DCLK2: variants seen among roughly 807,000 people sequenced by gnomAD.
DCLK2 encodes the protein doublecortin like kinase 2.
In DCLK2, 31 loss-of-function variants were observed where a neutral mutation model predicts 78.4. The ratio of observed to expected loss-of-function variants is 0.40; its 90% CI spans 0.30 to 0.53. The LOEUF is 0.53. Among genes scored for constraint, DCLK2 ranks in the 20% least tolerant of loss-of-function variants. The pLI is 0.61. For missense variants in DCLK2, 872 were observed against 973.7 expected (o/e 0.90, Z 1.39); for synonymous variants, 407 against 374.9 (o/e 1.09, Z -0.99).
intron 15 of DCLK2, among the ~76,000 whole-genome samples, chr4:150,249,894 T>G (rs1299050058): frequency 6.6e-6 from 1 of 152,104 alleles, no homozygotes; most frequent in Non-Finnish European, 1.5e-5. Flanking sequence ...CCAGCAGGCC[T>G]GGTGTGAGGG....
intron 2 of DCLK2, among the ~76,000 whole-genome samples, chr4:150,139,456 T>TC (rs1402999131): frequency 6.6e-6 from 1 of 152,170 alleles, no homozygotes; most frequent in Non-Finnish European, 1.5e-5. Flanking sequence ...TAGCCTGGAT[T>TC]CAGATGACTG....
chr4:150,198,051 T>C lies in DCLK2; in HGVS notation c.909T>C (p.Tyr303=), dbSNP rs141397425. The change falls in exon 4 of 16, where the codon TAT becomes TAC. Residue 303 remains tyrosine (Y), a synonymous_variant. Transcript: ENST00000296550. The part of the protein sequence containing the change: ...SSYSRSSAVK[Y]SGSKSPGPSR... ...ATTCTCGATCCTCAGCTGTTAAGTA[T>C]TCTGGATCCAAAAGCCCTGGGCCCT... 338 of 1,613,884 alleles carry C rather than the reference T, an allele frequency of 2.1e-4. No homozygotes were observed. The highest frequency in any genetic ancestry group is 2.5e-4 in the Non-Finnish European group (300 of 1,179,986).
intron 10 of DCLK2, among the ~76,000 whole-genome samples, chr4:150,237,989 C>T (rs1011571875): frequency 6.6e-6 from 1 of 152,150 alleles, no homozygotes; most frequent in Admixed American, 6.5e-5. Context: ...ATTATGCTGT[C>T]ATACGCACTT....
At chr4:150,119,611 C>T (rs575051394) in intron 2 of DCLK2, among the ~76,000 whole-genome samples, 9 of 152,122 alleles carry the variant, frequency 5.9e-5, no homozygotes, top group Non-Finnish European at 8.8e-5. Flanking sequence ...GCCTGCATTC[C>T]TCTTACCACC....
chr4:150,094,728 A>G (rs1214501195), intron 1 of DCLK2, among the ~76,000 whole-genome samples: 2 of 152,212 alleles, frequency 1.3e-5, no homozygotes, highest in Non-Finnish European at 2.9e-5. Flanking sequence ...CATTTTCTTC[A>G]TTACTTTGAC....
At chr4:150,172,744 G>T (rs1454972460) in intron 2 of DCLK2, among the ~76,000 whole-genome samples, 1 of 122,150 alleles carries the variant, frequency 8.2e-6, no homozygotes, top group Non-Finnish European at 1.7e-5. Flanking sequence ...ACTCTAGAGA[G>T]TGTTCTTTTT....
chr4:150,117,539 G>C (rs1454315699), intron 2 of DCLK2, among the ~76,000 whole-genome samples: 1 of 152,180 alleles, frequency 6.6e-6, no homozygotes, highest in Non-Finnish European at 1.5e-5. Flanking sequence ...GCAGATCTCA[G>C]TTAGGAGCTT....
At chr4:150,122,533 T>C (rs1054182023) in intron 2 of DCLK2, among the ~76,000 whole-genome samples, 1 of 151,898 alleles carries the variant, frequency 6.6e-6, no homozygotes, top group Non-Finnish European at 1.5e-5. Flanking sequence ...TGTTCTCCCT[T>C]GTAAGTGGGA....
chr4:150,240,514 T>G, intron 12 of DCLK2, 38 bp downstream of exon 12: 5 of 1,592,324 alleles, frequency 3.1e-6, no homozygotes, highest in Non-Finnish European at 4.3e-6. Context: ...GAATTGCAAA[T>G]GTTCTCCCTT....
chr4:150,089,202 G>T (rs1729875619), intron 1 of DCLK2, among the ~76,000 whole-genome samples: 1 of 151,992 alleles, frequency 6.6e-6, no homozygotes, highest in African/African-American at 2.4e-5. Context: ...TAAACATCTG[G>T]TTTCTGAATT....
chr4:150,108,408 G>A (rs1560778390), intron 2 of DCLK2, among the ~76,000 whole-genome samples: 1 of 151,742 alleles, frequency 6.6e-6, no homozygotes. Flanking sequence ...GCTGGGCGTG[G>A]TGGTGGGCGC....
intron 2 of DCLK2, among the ~76,000 whole-genome samples, chr4:150,170,984 A>T (rs1196511192): frequency 6.6e-6 from 1 of 152,222 alleles, no homozygotes; most frequent in African/African-American, 2.4e-5. Context: ...TCGCTTCTGC[A>T]GTGGCCAGAT....
At chr4:150,158,261 A>G (rs919988846) in intron 2 of DCLK2, among the ~76,000 whole-genome samples, 1 of 152,124 alleles carries the variant, frequency 6.6e-6, no homozygotes. Context: ...TTATAAGGAC[A>G]CTGGTCACAT....
intron 5 of DCLK2, among the ~76,000 whole-genome samples, chr4:150,206,107 A>C (rs1739823767): frequency 6.6e-6 from 1 of 152,224 alleles, no homozygotes; most frequent in Admixed American, 6.5e-5. Flanking sequence ...TAGTAATTAC[A>C]ACTATGGCTT....
intron 10 of DCLK2, among the ~76,000 whole-genome samples, chr4:150,234,497 T>A (rs1742330219): frequency 6.6e-6 from 1 of 152,254 alleles, no homozygotes; most frequent in Admixed American, 6.5e-5. Context: ...TACAGCCTGC[T>A]GTGAGCACCA....
At chr4:150,186,528 T>G (rs929407764) in intron 2 of DCLK2, among the ~76,000 whole-genome samples, 5 of 152,236 alleles carry the variant, frequency 3.3e-5, no homozygotes, top group Non-Finnish European at 4.4e-5. Context: ...TTGTCCATTT[T>G]CATCACTAGA....
chr4:150,134,460 G>T (rs1436127467), intron 2 of DCLK2, among the ~76,000 whole-genome samples: 1 of 152,152 alleles, frequency 6.6e-6, no homozygotes, highest in African/African-American at 2.4e-5. Flanking sequence ...TGCTTGATGT[G>T]TTGACAACTT....
chr4:150,192,010 T>C (rs1384431931), intron 2 of DCLK2, among the ~76,000 whole-genome samples: 1 of 152,210 alleles, frequency 6.6e-6, no homozygotes, highest in Non-Finnish European at 1.5e-5. Context: ...GAAGAAAGCT[T>C]ACCACATATC....
In DCLK2 at chr4:150,079,008, A is replaced by T; in HGVS notation, c.-20A>T. ...GTCGGCCCGGAACGTCTTTTTGCGG[A>T]CGCCCTCGGAGCAGCCGCGATGGCC... is the stretch of plus-strand genomic sequence containing the variant. On this transcript the variant is annotated 5_prime_UTR_variant, in exon 1 of 16. Transcript: ENST00000296550. 1 of 1,509,952 alleles carries T rather than the reference A, an allele frequency of 6.6e-7. No homozygotes were observed. The allele number at this position is 1,509,952 out of a possible 1,614,324, so 93.5% of individuals were successfully genotyped here.
Sources: gnomAD v4.1 joint callset for allele counts (sites outside exome capture counted in the v4.1 genomes callset) on GRCh38, gnomAD v4.1.1 for gene constraint, MANE v1.5 for transcripts, NCBI Gene and HGNC (gene_info 2026-07-23, HGNC 2026-07-21) for gene names.